DLG2: variants seen among roughly 807,000 people sequenced by gnomAD.
DLG2 encodes disks large homolog 2.
DLG2 carries 45 observed loss-of-function variants against 132.5 expected under a neutral mutation model. The ratio of observed to expected loss-of-function variants is 0.34; its 90% CI spans 0.27 to 0.44. The LOEUF is 0.44. Ranked by LOEUF, DLG2 falls within the 20% of genes least tolerant of loss-of-function variation. DLG2 has a pLI of 1.00. For missense variants in DLG2, 1,045 were observed against 1,196.9 expected, an observed-to-expected ratio of 0.87 and a Z score of 1.87; for synonymous variants, 424 against 419.6, an observed-to-expected ratio of 1.01 and a Z score of -0.13.
At chr11:85,119,010 T>C (rs1391346292) in intron 5 of DLG2, among the ~76,000 whole-genome samples, 1 of 151,908 alleles carries the variant, frequency 6.6e-6, no homozygotes, top group Non-Finnish European at 1.5e-5. Context: ...ATCTTTCTCC[T>C]GTTTCACTTA....
chr11:84,949,617 T>G (rs1254711331), intron 6 of DLG2, among the ~76,000 whole-genome samples: 1 of 152,176 alleles, frequency 6.6e-6, no homozygotes, highest in Non-Finnish European at 1.5e-5. Flanking sequence ...TCAGCAATAT[T>G]TCTCCCATTT....
chr11:85,286,731 G>C (rs535579842), intron 3 of DLG2, among the ~76,000 whole-genome samples: 8 of 152,178 alleles, frequency 5.3e-5, no homozygotes, highest in African/African-American at 1.9e-4. Flanking sequence ...CCTAGAAGCA[G>C]GGACACCCCA....
intron 7 of DLG2, among the ~76,000 whole-genome samples, chr11:84,362,050 T>C (rs2098652665): frequency 6.6e-6 from 1 of 151,952 alleles, no homozygotes. Context: ...AGCATATTAA[T>C]AATTATATCA....
intron 18 of DLG2, among the ~76,000 whole-genome samples, chr11:83,696,780 A>G (rs2082022837): frequency 6.6e-6 from 1 of 152,250 alleles, no homozygotes; most frequent in South Asian, 2.1e-4. Context: ...ACAGAGAAAT[A>G]GGACATGGTC....
chr11:84,683,705 A>C (rs1565652551), intron 6 of DLG2, among the ~76,000 whole-genome samples: 1 of 152,172 alleles, frequency 6.6e-6, no homozygotes, highest in African/African-American at 2.4e-5. Flanking sequence ...CTGCAGGTGC[A>C]CTGAAAGCAC....
At chr11:84,961,526 TTG>T (rs71465017) in intron 6 of DLG2, among the ~76,000 whole-genome samples, 14,510 of 143,556 alleles carry the variant, frequency 0.1, 691 homozygotes, top group South Asian at 0.18. Flanking sequence ...AATTGTATCT[TTG>T]TGTGTGTGTG....
chr11:83,879,053 T>G (rs1351595159), intron 15 of DLG2, among the ~76,000 whole-genome samples: 3 of 152,184 alleles, frequency 2.0e-5, no homozygotes, highest in African/African-American at 7.2e-5. Flanking sequence ...AAATGAAATT[T>G]GAATGGTGCT....
intron 6 of DLG2, among the ~76,000 whole-genome samples, chr11:84,970,852 C>G (rs1267880019): frequency 1.3e-5 from 2 of 152,086 alleles, no homozygotes; most frequent in East Asian, 1.9e-4. Context: ...GTATATTAAC[C>G]ATAGCAGGGA....
chr11:83,894,570 C>T (rs1021813387), intron 15 of DLG2, among the ~76,000 whole-genome samples: 1 of 152,066 alleles, frequency 6.6e-6, no homozygotes, highest in African/African-American at 2.4e-5. Context: ...TATTTTAACA[C>T]CTATATACAA....
intron 6 of DLG2, among the ~76,000 whole-genome samples, chr11:84,862,098 A>C (rs917379540): frequency 2.0e-5 from 3 of 151,936 alleles, no homozygotes; most frequent in Non-Finnish European, 4.4e-5. Flanking sequence ...ATGACGAGTT[A>C]GTGCGTGCAG....
chr11:85,480,863 T>C (rs1303038763), intron 3 of DLG2, among the ~76,000 whole-genome samples: 4 of 152,232 alleles, frequency 2.6e-5, no homozygotes, highest in African/African-American at 4.8e-5. Flanking sequence ...TAAACTATCC[T>C]GCACACATGC....
intron 6 of DLG2, chr11:84,546,583 T>G (rs900277159): frequency 1.1e-5 from 5 of 454,952 alleles, no homozygotes; most frequent in East Asian, 1.1e-4. Context: ...TTGAGACAAC[T>G]GTCTTTGGTT....
intron 6 of DLG2, among the ~76,000 whole-genome samples, chr11:84,651,132 C>T (rs929984205): frequency 2.0e-5 from 3 of 151,542 alleles, no homozygotes; most frequent in South Asian, 2.1e-4. Context: ...TTCATGATAC[C>T]GTTACCTTCC....
chr11:84,337,420 A>G (rs1230586982), intron 7 of DLG2, among the ~76,000 whole-genome samples: 1 of 152,176 alleles, frequency 6.6e-6, no homozygotes, highest in Admixed American at 6.5e-5. Flanking sequence ...AAAGAGAAAA[A>G]TTACTCATAT....
chr11:83,530,438 C>A (rs1268101260), intron 21 of DLG2, among the ~76,000 whole-genome samples: 1 of 151,466 alleles, frequency 6.6e-6, no homozygotes, highest in African/African-American at 2.4e-5. Flanking sequence ...TTCATGGTGA[C>A]AGCAATTGAC....
At chr11:83,482,227 C>T (rs1224186077) in intron 22 of DLG2, among the ~76,000 whole-genome samples, 1 of 152,034 alleles carries the variant, frequency 6.6e-6, no homozygotes, top group Non-Finnish European at 1.5e-5. Flanking sequence ...TATCAATACT[C>T]AGGGTTATAG....
intron 27 of DLG2, chr11:83,461,539 G>C (rs192620960): frequency 6.5e-6 from 1 of 153,156 alleles, no homozygotes; most frequent in African/African-American, 2.4e-5. Flanking sequence ...TAAGCATCTT[G>C]TTCAGGTGCT....
chr11:85,595,214 G>C (rs2079658548), intron 3 of DLG2, among the ~76,000 whole-genome samples: 1 of 151,668 alleles, frequency 6.6e-6, no homozygotes, highest in Non-Finnish European at 1.5e-5. Context: ...AAATTAATTT[G>C]TAAAATATCA....
chr11:83,724,476 T>TGTGTGTGTGAGAGAGA (rs762050933), intron 18 of DLG2, among the ~76,000 whole-genome samples: 2 of 118,154 alleles, frequency 1.7e-5, no homozygotes, highest in African/African-American at 5.9e-5. Context: ...TGTGTGTGTG[T>TGTGTGTGTGAGAGAGA]GAGAGAGAGA....
Sources: allele counts gnomAD v4.1 joint callset (sites outside exome capture counted in the v4.1 genomes callset), GRCh38; gene constraint gnomAD v4.1.1; transcripts MANE v1.5; gene names NCBI Gene and HGNC (gene_info 2026-07-23, HGNC 2026-07-21).